IGFBP7: variants seen among roughly 807,000 people sequenced by gnomAD.
IGFBP7 encodes the protein insulin like growth factor binding protein 7.
A neutral mutation model predicts 29.4 loss-of-function variants in IGFBP7; 31 were observed. The observed-to-expected ratio is 1.05, with a 90% CI of 0.79 to 1.42. The LOEUF is 1.42. IGFBP7 is among the 40% of genes most tolerant of loss of function. The probability of loss-of-function intolerance (pLI) is 0.00; values close to 1 mark genes in which losing one functional copy is unlikely to be tolerated. For missense variants in IGFBP7, 393 were observed against 395.5 expected (o/e 0.99, Z 0.05); for synonymous variants, 172 against 174.9 (o/e 0.98, Z 0.13).
chr4:57,069,318 A>G (rs1359821700), intron 1 of IGFBP7, among the ~76,000 whole-genome samples: 4 of 152,132 alleles, frequency 2.6e-5, no homozygotes, highest in African/African-American at 9.7e-5. Context: ...GCCTGGGGTG[A>G]TGGCTCATGC....
chr4:57,103,781 AC>A (rs1725959049), intron 1 of IGFBP7, among the ~76,000 whole-genome samples: 1 of 149,346 alleles, frequency 6.7e-6, no homozygotes, highest in Non-Finnish European at 1.5e-5. Flanking sequence ...GCCTCAGCCT[AC>A]CAAGTAGCTG....
At chr4:57,074,652 C>T (rs1725177939) in intron 1 of IGFBP7, among the ~76,000 whole-genome samples, 1 of 152,204 alleles carries the variant, frequency 6.6e-6, no homozygotes, top group African/African-American at 2.4e-5. Context: ...GCATCCTCTG[C>T]CTCTGTCCTA....
At chr4:57,037,172 C>A (rs1386465250) in intron 2 of IGFBP7, among the ~76,000 whole-genome samples, 1 of 152,158 alleles carries the variant, frequency 6.6e-6, no homozygotes, top group East Asian at 1.9e-4. Context: ...CCAGGAGTCA[C>A]TGATGGGTCA....
chr4:57,082,225 G>A (rs976447820), intron 1 of IGFBP7, among the ~76,000 whole-genome samples: 2 of 152,120 alleles, frequency 1.3e-5, no homozygotes, highest in Admixed American at 1.3e-4. Context: ...GGAGGAACAG[G>A]TGTGAGTTTC....
intron 2 of IGFBP7, 109 bp downstream of exon 2, chr4:57,040,714 CG>C (rs771052576): frequency 6.0e-5 from 49 of 813,270 alleles, no homozygotes; most frequent in Non-Finnish European, 8.6e-5. Flanking sequence ...CTTCACCTTG[CG>C]GGAGCCGCAG....
intron 1 of IGFBP7, among the ~76,000 whole-genome samples, chr4:57,099,965 GGT>G (rs1435246768): frequency 3.3e-5 from 5 of 152,000 alleles, no homozygotes; most frequent in Non-Finnish European, 5.9e-5. Context: ...TTGAACTCCC[GGT>G]CTCAAGGGAT....
chr4:57,099,433 A>G (rs1170390488), intron 1 of IGFBP7, among the ~76,000 whole-genome samples: 1 of 152,214 alleles, frequency 6.6e-6, no homozygotes, highest in Non-Finnish European at 1.5e-5. Flanking sequence ...TGGACTAAAT[A>G]TTATTACTCA....
intron 1 of IGFBP7, among the ~76,000 whole-genome samples, chr4:57,097,199 T>C (rs1725781759): frequency 6.6e-6 from 1 of 152,226 alleles, no homozygotes; most frequent in African/African-American, 2.4e-5. Context: ...AATGATTCTA[T>C]ATCTAAAAGG....
intron 1 of IGFBP7, among the ~76,000 whole-genome samples, chr4:57,054,481 A>G (rs1713968): frequency 0.83 from 125,483 of 151,582 alleles, 52,426 homozygotes; most frequent in East Asian, 0.94. Context: ...AAAAATACAA[A>G]AAATTAGTCA....
chr4:57,092,872 A>C (rs1196180099), intron 1 of IGFBP7, among the ~76,000 whole-genome samples: 1 of 151,498 alleles, frequency 6.6e-6, no homozygotes, highest in East Asian at 1.9e-4. Context: ...ATATTTAAGT[A>C]CATGGAAAAT....
At chr4:57,090,566 G>A (rs941247928) in intron 1 of IGFBP7, among the ~76,000 whole-genome samples, 1 of 152,170 alleles carries the variant, frequency 6.6e-6, no homozygotes, top group Non-Finnish European at 1.5e-5. Context: ...GCAGGGCATG[G>A]TGGCTCACAC....
intron 1 of IGFBP7, among the ~76,000 whole-genome samples, chr4:57,051,151 G>A (rs984687233): frequency 4.6e-5 from 7 of 152,208 alleles, no homozygotes; most frequent in Non-Finnish European, 8.8e-5. Context: ...AAGAATAGTA[G>A]GAAGGCACTA....
intron 1 of IGFBP7, among the ~76,000 whole-genome samples, chr4:57,069,978 G>A (rs1041811168): frequency 1.3e-5 from 2 of 152,132 alleles, no homozygotes; most frequent in African/African-American, 4.8e-5. Context: ...CTACTCGGGA[G>A]GCTGAGGCAG....
intron 1 of IGFBP7, among the ~76,000 whole-genome samples, chr4:57,088,906 C>T (rs749022650): frequency 1.3e-5 from 2 of 151,890 alleles, no homozygotes; most frequent in South Asian, 4.2e-4. Context: ...GTGTTGGGCA[C>T]CTGTAATCCT....
chr4:57,081,442 T>G (rs949353366), intron 1 of IGFBP7, among the ~76,000 whole-genome samples: 10 of 152,116 alleles, frequency 6.6e-5, no homozygotes, highest in Non-Finnish European at 1.5e-5. Flanking sequence ...AGGAAAACAT[T>G]CCTGACCTCT....
intron 1 of IGFBP7, among the ~76,000 whole-genome samples, chr4:57,060,012 T>C (rs557673033): frequency 3.1e-4 from 47 of 152,338 alleles, no homozygotes; most frequent in Non-Finnish European, 6.3e-4. Flanking sequence ...CAGTCCATCA[T>C]GAACTAAGTG....
At chr4:57,084,740 T>TAA (rs1725453408) in intron 1 of IGFBP7, among the ~76,000 whole-genome samples, 1 of 151,824 alleles carries the variant, frequency 6.6e-6, no homozygotes, top group African/African-American at 2.4e-5. Flanking sequence ...TAATGTAATC[T>TAA]TTTCCCTTAT....
chr4:57,073,237 T>G (rs369037466), intron 1 of IGFBP7: 3,508 of 16,646 alleles, frequency 0.21, 89 homozygotes, highest in East Asian at 0.52. Flanking sequence ...AGCTGTGGTA[T>G]TATTATTATT....
chr4:57,073,278 A>G, intron 1 of IGFBP7: 1 of 545,526 alleles, frequency 1.8e-6, no homozygotes, highest in South Asian at 2.3e-5. Context: ...CCTCCAGTTG[A>G]GTGCTTGTGA....
Sources: gnomAD v4.1 joint callset for allele counts (sites outside exome capture counted in the v4.1 genomes callset) on GRCh38, gnomAD v4.1.1 for gene constraint, MANE v1.5 for transcripts, NCBI Gene and HGNC (gene_info 2026-07-23, HGNC 2026-07-21) for gene names.